The following TTC28 variants were observed in gnomAD, a reference collection of about 807,000 sequenced individuals.
TTC28 encodes tetratricopeptide repeat protein 28.
TTC28 carries 61 observed loss-of-function variants against 198.0 expected under a neutral mutation model. The observed-to-expected ratio is 0.31, with a 90% CI of 0.25 to 0.38. The LOEUF (loss-of-function observed/expected upper bound fraction) is 0.38. TTC28 is among the 10% of genes least tolerant of loss of function. TTC28 has a pLI of 1.00. For synonymous variants in TTC28, 1,171 were observed against 1,297.8 expected (o/e 0.90, Z 2.10); for missense variants, 2,678 against 3,164.0 (o/e 0.85, Z 3.69).
intron 5 of TTC28, among the ~76,000 whole-genome samples, chr22:28,251,317 T>A (rs1277263324): frequency 3.9e-5 from 6 of 152,196 alleles, no homozygotes; most frequent in Non-Finnish European, 8.8e-5. Flanking sequence ...TCACCCCTAT[T>A]TTTGTAAATA....
rs1940524324 is a variant in TTC28 at position 28,061,235 on chromosome 22, G to C, written c.3933-30869C>G. Among the ~76,000 whole-genome samples, 9 of 152,294 alleles carry C rather than the reference G, an allele frequency of 5.9e-5. No homozygotes were observed. In the South Asian group the frequency reaches 1.9e-3, roughly 32 times the overall value. On this transcript the variant is annotated intron_variant, in intron 12 of 22. Coordinates refer to ENST00000397906, the MANE Select transcript of TTC28 (RefSeq NM_001145418.2). ...TCTTTAGTTTAATTAGATCCCATTT[G>C]TCAATTTTAGCTTTTGTTGCCATTG...
At chr22:28,531,310 G>C (rs1168025071) in intron 2 of TTC28, among the ~76,000 whole-genome samples, 1 of 152,136 alleles carries the variant, frequency 6.6e-6, no homozygotes, top group Non-Finnish European at 1.5e-5. Flanking sequence ...AAGACACAAA[G>C]AAGGCCATTA....
At chr22:28,246,825 C>T (rs1328970139) in intron 5 of TTC28, among the ~76,000 whole-genome samples, 2 of 151,956 alleles carry the variant, frequency 1.3e-5, no homozygotes, top group African/African-American at 4.8e-5. Context: ...AGAAGGAAGA[C>T]CCAGCATCAT....
rs564741602 is a variant in TTC28 at position 28,546,667 on chromosome 22, G to A, written c.381+82885C>T. Among the ~76,000 whole-genome samples the A allele has an allele frequency of 2.6e-5, 4 of 152,122 alleles. No individual in the cohort carries two copies. The South Asian group carries it at 6.2e-4, about 24-fold the overall frequency. Reference sequence around the variant, plus strand: ...CTCATTTACACAGAGACTTGCACTCGAATGTTCATAGCAGTGTTATTCATA... The same window carrying A: ...CTCATTTACACAGAGACTTGCACTCAAATGTTCATAGCAGTGTTATTCATA... On this transcript the variant is annotated intron_variant, in intron 2 of 22. Transcript: ENST00000397906.
intron 2 of TTC28, among the ~76,000 whole-genome samples, chr22:28,604,571 C>G (rs1391223522): frequency 6.6e-6 from 1 of 151,618 alleles, no homozygotes; most frequent in Non-Finnish European, 1.5e-5. Flanking sequence ...TTCTGAAACC[C>G]TGTCTCTACT....
chr22:28,171,622 C>CAAAA (rs5844804), intron 5 of TTC28, among the ~76,000 whole-genome samples: 1 of 104,594 alleles, frequency 9.6e-6, no homozygotes, highest in East Asian at 2.7e-4. Flanking sequence ...GGCATATTTG[C>CAAAA]AAAAAAAAAA....
intron 2 of TTC28, among the ~76,000 whole-genome samples, chr22:28,412,381 G>A (rs1466401328): frequency 6.6e-6 from 1 of 152,128 alleles, no homozygotes; most frequent in African/African-American, 2.4e-5. Context: ...GGGCAGAAGT[G>A]GGAGAAGAGC....
chr22:28,426,180 C>T (rs915260348), intron 2 of TTC28, among the ~76,000 whole-genome samples: 1 of 147,484 alleles, frequency 6.8e-6, no homozygotes, highest in Non-Finnish European at 1.5e-5. Context: ...ACACTGCACG[C>T]CAGCCTGGGT....
intron 2 of TTC28, among the ~76,000 whole-genome samples, chr22:28,560,232 C>G (rs984376219): frequency 6.6e-6 from 1 of 152,164 alleles, no homozygotes; most frequent in African/African-American, 2.4e-5. Flanking sequence ...GTTTTTACCA[C>G]CTCAACAGTT....
intron 2 of TTC28, among the ~76,000 whole-genome samples, chr22:28,366,891 C>T (rs779997152): frequency 6.6e-6 from 1 of 151,872 alleles, no homozygotes; most frequent in Non-Finnish European, 1.5e-5. Flanking sequence ...GGATATAACA[C>T]GTGTAAATAT....
At chr22:28,431,425 C>T (rs1170848883) in intron 2 of TTC28, among the ~76,000 whole-genome samples, 1 of 152,152 alleles carries the variant, frequency 6.6e-6, no homozygotes, top group Non-Finnish European at 1.5e-5. Context: ...TGTACAATTT[C>T]ATATTAATGT....
intron 6 of TTC28, among the ~76,000 whole-genome samples, chr22:28,157,496 G>A (rs1353919271): frequency 1.3e-5 from 2 of 151,988 alleles, no homozygotes; most frequent in African/African-American, 4.8e-5. Context: ...ACTACAGGCC[G>A]ATATCCCTGA....
chr22:28,349,825 C>G (rs748747444), intron 2 of TTC28, among the ~76,000 whole-genome samples: 59 of 152,188 alleles, frequency 3.9e-4, no homozygotes, highest in Non-Finnish European at 6.8e-4. Flanking sequence ...ACCTAAAAAA[C>G]ATTTGAATTA....
chr22:28,423,514 TTTCAG>T (rs1289520167), intron 2 of TTC28, among the ~76,000 whole-genome samples: 4 of 152,344 alleles, frequency 2.6e-5, no homozygotes, highest in African/African-American at 7.2e-5. Flanking sequence ...AAGTAATCCG[TTTCAG>T]CCCTCTATAG....
chr22:28,617,124 C>T lies in TTC28; in HGVS notation c.381+12428G>A, dbSNP rs141421480. Reference sequence around the variant, plus strand: ...GTAATAATAACTACTTTGCAACTGACTTATCTGAAAAGAGGGGATTCAAGA... The same window carrying T: ...GTAATAATAACTACTTTGCAACTGATTTATCTGAAAAGAGGGGATTCAAGA... On this transcript the variant is annotated intron_variant, in intron 2 of 22. Coordinates refer to ENST00000397906, the MANE Select transcript of TTC28 (RefSeq NM_001145418.2). Among the ~76,000 whole-genome samples the T allele has an allele frequency of 4.9e-4, 74 of 152,008 alleles. No individual in the cohort carries two copies. In the East Asian group the frequency reaches 0.01, roughly 21 times the overall value.
chr22:28,259,117 A>C (rs1217010494), intron 5 of TTC28, among the ~76,000 whole-genome samples: 3 of 152,084 alleles, frequency 2.0e-5, no homozygotes, highest in Non-Finnish European at 4.4e-5. Context: ...TATATGATGA[A>C]TATGCATGCA....
At chr22:28,264,785 C>T (rs1399580870) in intron 5 of TTC28, among the ~76,000 whole-genome samples, 5 of 152,016 alleles carry the variant, frequency 3.3e-5, no homozygotes, top group Non-Finnish European at 7.4e-5. Context: ...GGGTTTAGAC[C>T]TGCTGAATTG....
intron 12 of TTC28, among the ~76,000 whole-genome samples, chr22:28,079,116 T>C (rs2050157654): frequency 6.6e-6 from 1 of 152,166 alleles, no homozygotes; most frequent in African/African-American, 2.4e-5. Flanking sequence ...CTGAAGACAC[T>C]TAAGTGTGTT....
At chr22:28,303,579 T>TA (rs1296138098) in intron 3 of TTC28, among the ~76,000 whole-genome samples, 1 of 152,024 alleles carries the variant, frequency 6.6e-6, no homozygotes, top group Non-Finnish European at 1.5e-5. Context: ...ATATAACGTA[T>TA]TTATATGGGA....
Sources: gnomAD v4.1 joint callset for allele counts (sites outside exome capture counted in the v4.1 genomes callset) on GRCh38, gnomAD v4.1.1 for gene constraint, MANE v1.5 for transcripts, NCBI Gene and HGNC (gene_info 2026-07-23, HGNC 2026-07-21) for gene names.